The following RSU1 variants were observed in gnomAD, a reference collection of about 807,000 sequenced individuals.
RSU1 encodes Ras suppressor protein 1.
In RSU1, 26 loss-of-function variants were observed where a neutral mutation model predicts 31.1. That is an observed-to-expected ratio of 0.84 (90% confidence interval 0.61 to 1.16). The LOEUF (loss-of-function observed/expected upper bound fraction) is 1.16, where lower values mean the gene tolerates loss of function less well. Ranked by LOEUF, RSU1 falls within the 50% of genes most tolerant of loss-of-function variation. The probability of loss-of-function intolerance (pLI) is 0.00; values close to 1 mark genes in which losing one functional copy is unlikely to be tolerated. For synonymous variants in RSU1, 164 were observed against 136.3 expected (o/e 1.20, Z -1.41); for missense variants, 320 against 339.1 (o/e 0.94, Z 0.44).
intron 8 of RSU1, among the ~76,000 whole-genome samples, chr10:16,694,258 C>A (rs1392363716): frequency 6.6e-6 from 1 of 152,148 alleles, no homozygotes; most frequent in Non-Finnish European, 1.5e-5. Flanking sequence ...TCCTCTCCTG[C>A]CTTCCCCTTT....
At chr10:16,676,979 G>A (rs1196471815) in intron 8 of RSU1, among the ~76,000 whole-genome samples, 1 of 152,178 alleles carries the variant, frequency 6.6e-6, no homozygotes, top group Non-Finnish European at 1.5e-5. Flanking sequence ...TACTGTTAGG[G>A]ACCCTTGAAT....
chr10:16,733,243 C>A (rs1052137000), intron 7 of RSU1, among the ~76,000 whole-genome samples: 1 of 150,354 alleles, frequency 6.7e-6, no homozygotes, highest in African/African-American at 2.5e-5. Flanking sequence ...GTAATCCCAG[C>A]ACTTTGGGAG....
chr10:16,673,351 A>G (rs897534571), intron 8 of RSU1, among the ~76,000 whole-genome samples: 1 of 152,228 alleles, frequency 6.6e-6, no homozygotes, highest in African/African-American at 2.4e-5. Flanking sequence ...GAGCAGCTAC[A>G]AATTTTTCTT....
At chr10:16,657,109 T>C (rs1834798243) in intron 8 of RSU1, among the ~76,000 whole-genome samples, 1 of 152,216 alleles carries the variant, frequency 6.6e-6, no homozygotes, top group Non-Finnish European at 1.5e-5. Context: ...TGCACATGCT[T>C]AGCTGATGGA....
chr10:16,813,237 A>T (rs1838447691), intron 2 of RSU1, among the ~76,000 whole-genome samples: 1 of 152,214 alleles, frequency 6.6e-6, no homozygotes, highest in Admixed American at 6.5e-5. Flanking sequence ...GTTAAAACAA[A>T]ATGATGGAAA....
chr10:16,798,116 C>T (rs1007782164), intron 2 of RSU1, among the ~76,000 whole-genome samples: 4 of 151,766 alleles, frequency 2.6e-5, no homozygotes, highest in African/African-American at 9.7e-5. Flanking sequence ...CCTGCCTCGG[C>T]CTCCCAAAGT....
chr10:16,704,601 A>C (rs770543873), intron 7 of RSU1, among the ~76,000 whole-genome samples: 20 of 152,234 alleles, frequency 1.3e-4, no homozygotes, highest in Non-Finnish European at 2.6e-4. Flanking sequence ...TATACACAAA[A>C]ACAAGTCACT....
chr10:16,752,847 T>C (rs866875544), intron 6 of RSU1, 71 bp downstream of exon 6: 19 of 1,371,126 alleles, frequency 1.4e-5, no homozygotes, highest in Middle Eastern at 1.8e-4. Context: ...CCTGCTCAAA[T>C]TGACTTGATT....
In RSU1 at chr10:16,592,761, G is replaced by GTGAT. The variant is rs1691184054; in HGVS notation, c.*629_*632dup. On this transcript the variant is annotated 3_prime_UTR_variant, in exon 9 of 9. Transcript: ENST00000345264. ...AAATTAATGTGAGAAGAAACGAACT[G>GTGAT]TGATTTAATTTTGCATTTCTTTCAT... 1 of 152,192 alleles carries GTGAT rather than the reference G, an allele frequency of 6.6e-6. No individual in the cohort carries two copies. The highest frequency in any genetic ancestry group is 2.4e-5 in the African/African-American group (1 of 41,428). The allele number at this position is 152,192 out of a possible 1,614,324, so 9.4% of individuals were successfully genotyped here. A position where few individuals can be genotyped will look rare whatever the true frequency, so the allele number is the denominator to read the frequency against.
At chr10:16,765,746 C>T (rs17156937) in intron 3 of RSU1, among the ~76,000 whole-genome samples, 9,338 of 152,190 alleles carry the variant, frequency 0.061, 380 homozygotes, top group East Asian at 0.18. Flanking sequence ...GCGTGGAACT[C>T]AGCCTGAGAA....
At chr10:16,771,994 A>G (rs1837432653) in intron 3 of RSU1, among the ~76,000 whole-genome samples, 1 of 152,240 alleles carries the variant, frequency 6.6e-6, no homozygotes, top group South Asian at 2.1e-4. Flanking sequence ...AACAACAAGT[A>G]TTACTGGGGA....
At chr10:16,803,118 C>G in intron 2 of RSU1, among the ~76,000 whole-genome samples, 1 of 152,080 alleles carries the variant, frequency 6.6e-6, no homozygotes, top group African/African-American at 2.4e-5. Context: ...ATGATGTGTA[C>G]GTAGAAAATC....
intron 8 of RSU1, among the ~76,000 whole-genome samples, chr10:16,608,547 G>A (rs1309631981): frequency 6.6e-6 from 1 of 151,988 alleles, no homozygotes; most frequent in Non-Finnish European, 1.5e-5. Flanking sequence ...CATGTAAGCC[G>A]TGTTCTCTTT....
At chr10:16,670,512 C>G (rs1252737134) in intron 8 of RSU1, among the ~76,000 whole-genome samples, 1 of 152,138 alleles carries the variant, frequency 6.6e-6, no homozygotes, top group Non-Finnish European at 1.5e-5. Flanking sequence ...GGTTGCCAGG[C>G]TGGTGACTAA....
intron 8 of RSU1, among the ~76,000 whole-genome samples, chr10:16,600,427 C>A (rs1833697839): frequency 6.6e-6 from 1 of 152,178 alleles, no homozygotes; most frequent in South Asian, 2.1e-4. Context: ...GTGCAACTGA[C>A]CACTACCGCC....
intron 8 of RSU1, among the ~76,000 whole-genome samples, chr10:16,640,918 G>C (rs1029523158): frequency 1.3e-5 from 2 of 151,974 alleles, no homozygotes; most frequent in African/African-American, 4.8e-5. Flanking sequence ...GCAATGCTGC[G>C]ACTGAAAGAA....
At chr10:16,791,530 G>A (rs1837913152) in intron 2 of RSU1, among the ~76,000 whole-genome samples, 1 of 151,562 alleles carries the variant, frequency 6.6e-6, no homozygotes, top group African/African-American at 2.4e-5. Flanking sequence ...TTGGGAGGCT[G>A]AGGCAGAAGA....
intron 4 of RSU1, among the ~76,000 whole-genome samples, chr10:16,764,070 C>T (rs1181578443): frequency 3.9e-5 from 6 of 152,024 alleles, no homozygotes; most frequent in African/African-American, 7.2e-5. Context: ...ACCACTTGTC[C>T]GCCAGTTCAT....
At chr10:16,595,167 T>A (rs1833590539) in intron 8 of RSU1, among the ~76,000 whole-genome samples, 1 of 152,200 alleles carries the variant, frequency 6.6e-6, no homozygotes. Context: ...TCCTCCTGCC[T>A]TGGCCTCCCA....
Sources: gnomAD v4.1 joint callset for allele counts (sites outside exome capture counted in the v4.1 genomes callset) on GRCh38, gnomAD v4.1.1 for gene constraint, MANE v1.5 for transcripts, NCBI Gene and HGNC (gene_info 2026-07-23, HGNC 2026-07-21) for gene names.